PLEKHH1: variants seen among roughly 807,000 people sequenced by gnomAD.
The protein encoded by PLEKHH1 is pleckstrin homology, MyTH4 and FERM domain containing H1, also known as pleckstrin homology domain-containing family H member 1.
PLEKHH1 carries 104 observed loss-of-function variants against 160.0 expected under a neutral mutation model. The observed-to-expected ratio is 0.65, with a 90% CI of 0.55 to 0.76. The LOEUF is 0.76. Among genes scored for constraint, PLEKHH1 ranks in the 30% least tolerant of loss-of-function variants. The pLI, the probability that PLEKHH1 is intolerant of heterozygous loss-of-function variation, is 0.00. For synonymous variants in PLEKHH1, 619 were observed against 678.4 expected (o/e 0.91, Z 1.36); for missense variants, 1,427 against 1,724.1 (o/e 0.83, Z 3.05).
chr14:67,567,452 G>A (rs1201636305), intron 7 of PLEKHH1, among the ~76,000 whole-genome samples: 1 of 152,148 alleles, frequency 6.6e-6, no homozygotes, highest in African/African-American at 2.4e-5. Flanking sequence ...CAAAGTTAGA[G>A]GCTTGTCCTT....
chr14:67,542,525 A>G (rs1038086217), intron 2 of PLEKHH1, among the ~76,000 whole-genome samples: 1 of 152,022 alleles, frequency 6.6e-6, no homozygotes, highest in Non-Finnish European at 1.5e-5. Flanking sequence ...TACTTCTAAG[A>G]GTTATTTTGA....
Position 67,582,001 on chromosome 14 carries a change from C to T in PLEKHH1, c.3285-68C>T. 1.3e-6 allele frequency: 2 copies of T among 1,483,960 alleles called. No individual in the cohort carries two copies. The highest frequency in any genetic ancestry group is 1.8e-6 in the Non-Finnish European group (2 of 1,087,562). The allele number at this position is 1,483,960 out of a possible 1,614,324, so 91.9% of individuals were successfully genotyped here. On this transcript the variant is annotated intron_variant, in intron 23 of 28. Coordinates refer to ENST00000329153, the MANE Select transcript of PLEKHH1 (RefSeq NM_020715.3). This position sits in a 1 kb window ranked among gnomAD's most constrained non-coding sequence, Gnocchi z 5.0. ...TCTTTTTGGAAATAAAGGTAACAGACCCAGAGAAAGCCCCATCCCTGTTTG... is the reference window on the plus strand; with the variant it reads ...TCTTTTTGGAAATAAAGGTAACAGATCCAGAGAAAGCCCCATCCCTGTTTG...
rs1447280974 is a variant in PLEKHH1 at position 67,588,889 on chromosome 14, A to C, written c.*1654A>C. The C allele has an allele frequency of 6.6e-6, 1 of 152,656 alleles. No individual in the cohort carries two copies. The highest frequency in any genetic ancestry group is 1.5e-5 in the Non-Finnish European group (1 of 68,044). 9.5% of individuals were successfully genotyped at this position (152,656 alleles called of 1,614,324 possible). A position where few individuals can be genotyped will look rare whatever the true frequency, so the allele number is the denominator to read the frequency against. On this transcript the variant is annotated 3_prime_UTR_variant, in exon 29 of 29. Coordinates refer to ENST00000329153, the MANE Select transcript of PLEKHH1 (RefSeq NM_020715.3). Reference sequence around the variant, plus strand: ...GTAAACTGACAAGCATGATGAAAAAAGAAGCACATCCAAGTTTCTGCCTCT... The same window carrying C: ...GTAAACTGACAAGCATGATGAAAAACGAAGCACATCCAAGTTTCTGCCTCT...
intron 2 of PLEKHH1, among the ~76,000 whole-genome samples, chr14:67,554,957 G>C (rs949195576): frequency 6.6e-6 from 1 of 152,090 alleles, no homozygotes; most frequent in Non-Finnish European, 1.5e-5. Flanking sequence ...GTGTCACCCA[G>C]GCTGGAGTGC....
rs2036019854 is a variant in PLEKHH1 at position 67,583,842 on chromosome 14, C to T, written c.3528C>T (p.His1176=). ...HLLQQVLDRF[H]PRRYRHGAPA... Reference sequence around the variant, plus strand: ...TCCAGCAGGTCCTAGACAGGTTCCACCCCAGGCGCTATAGACATGGGGCCC... The same window carrying T: ...TCCAGCAGGTCCTAGACAGGTTCCATCCCAGGCGCTATAGACATGGGGCCC... The change falls in exon 25 of 29, where the codon CAC becomes CAT. Residue 1176 remains histidine, a synonymous_variant. Transcript: ENST00000329153. 1.2e-6 allele frequency: 2 copies of T among 1,613,360 alleles called. No individual in the cohort carries two copies. The highest frequency in any genetic ancestry group is 1.3e-5 in the African/African-American group (1 of 74,910).
rs138889928 is a variant in PLEKHH1 at position 67,538,906 on chromosome 14, A to G, written c.-34-2928A>G. ...TCAGGGCTAGGCAGACACCAGTGAC[A>G]TATTTCCAAAGTACTTGGAGATTTT... On this transcript the variant is annotated intron_variant, in intron 1 of 28. Coordinates refer to ENST00000329153, the MANE Select transcript of PLEKHH1 (RefSeq NM_020715.3). Among the ~76,000 whole-genome samples, 98 of 152,316 alleles carry G rather than the reference A, an allele frequency of 6.4e-4. 1 individual carries two copies. The East Asian group carries it at 0.016, about 25-fold the overall frequency.
chr14:67,535,875 G>T (rs2033695939), intron 1 of PLEKHH1, among the ~76,000 whole-genome samples: 1 of 152,180 alleles, frequency 6.6e-6, no homozygotes, highest in African/African-American at 2.4e-5. Context: ...GTTGGAAAAT[G>T]GTTAAATGAC....
Position 67,573,759 on chromosome 14 carries a change from C to A in PLEKHH1, c.1840-42C>A. The A allele has an allele frequency of 7.7e-7, 1 of 1,294,888 alleles. No individual in the cohort carries two copies. Among genetic ancestry groups the A allele is most frequent in the East Asian group, 2.3e-5 (1 of 43,480 alleles). The allele number at this position is 1,294,888 out of a possible 1,614,324, so 80.2% of individuals were successfully genotyped here. A position where few individuals can be genotyped will look rare whatever the true frequency, so the allele number is the denominator to read the frequency against. On this transcript the variant is annotated intron_variant, in intron 12 of 28. Coordinates refer to ENST00000329153, the MANE Select transcript of PLEKHH1 (RefSeq NM_020715.3). The surrounding 1 kb of genome is among the most constrained non-coding windows in gnomAD (Gnocchi z 4.8). ...GGGTAAATGAGGTGCTCCGGAAAGG[C>A]TCCACATTCAGTGGCTCTCCTCTCC...
chr14:67,558,097 G>A (rs1306176070), intron 4 of PLEKHH1, among the ~76,000 whole-genome samples: 3 of 152,192 alleles, frequency 2.0e-5, no homozygotes, highest in Non-Finnish European at 4.4e-5. Context: ...GCTCCTGAGA[G>A]GACTTCTGGA....
In PLEKHH1 at chr14:67,574,991, C is replaced by A. The variant is rs1437822207; in HGVS notation, c.2089-401C>A. Among the ~76,000 whole-genome samples the A allele has an allele frequency of 6.6e-6, 1 of 152,216 alleles. No homozygotes were observed. The highest frequency in any genetic ancestry group is 1.5e-5 in the Non-Finnish European group (1 of 68,034). On this transcript the variant is annotated intron_variant, in intron 14 of 28. Transcript: ENST00000329153. The surrounding 1 kb of genome is among the most constrained non-coding windows in gnomAD (Gnocchi z 4.2). ...CGTTCAATCTGTTTATGTCATTCTC[C>A]TTCGCCCGTGTGCAGCTTCTGTTCC...
chr14:67,555,827 G>A lies in PLEKHH1; in HGVS notation c.129G>A (p.Met43Ile), dbSNP rs766038628. ...CCCCTTTCTCTCTGGCCAAGCAGAT[G>A]CAGGAGCTGGAGCAGAGGCTGCTGG... ...SKIRELLADK[M>I]QELEQRLLEA... The change falls in exon 3 of 29, where the codon ATG becomes ATA. Residue 43 changes from methionine (M) to isoleucine (I), a missense_variant and splice_region_variant. By Grantham distance (10) the Met-to-Ile change is conservative (BLOSUM62 1). Transcript: ENST00000329153. The A allele has an allele frequency of 1.2e-6, 2 of 1,613,202 alleles. No homozygotes were observed. The highest frequency in any genetic ancestry group is 1.1e-5 in the South Asian group (1 of 90,952).
chr14:67,566,760 A>T (rs2035114160), intron 7 of PLEKHH1, among the ~76,000 whole-genome samples: 1 of 151,882 alleles, frequency 6.6e-6, no homozygotes. Flanking sequence ...AAAAAAAAAA[A>T]AAAAAGAGTG....
intron 5 of PLEKHH1, among the ~76,000 whole-genome samples, chr14:67,561,420 G>T (rs1566738844): frequency 6.6e-6 from 1 of 152,088 alleles, no homozygotes; most frequent in Admixed American, 6.6e-5. Flanking sequence ...GCATAGTGGC[G>T]TGCACCTGTA....
Position 67,576,986 on chromosome 14 carries a change from A to C in PLEKHH1, c.2462-316A>C, listed in dbSNP as rs1254918363. Among the ~76,000 whole-genome samples, 2 of 152,096 alleles carry C rather than the reference A, an allele frequency of 1.3e-5. No individual in the cohort carries two copies. The highest frequency in any genetic ancestry group is 4.8e-5 in the African/African-American group (2 of 41,402). ...AGGCTTGTTTGTTTCTGACCAATTCATATGCCCCTCCATCCAGACTTGACA... is the reference window on the plus strand; with the variant it reads ...AGGCTTGTTTGTTTCTGACCAATTCCTATGCCCCTCCATCCAGACTTGACA... On this transcript the variant is annotated intron_variant, in intron 17 of 28. Coordinates refer to ENST00000329153, the MANE Select transcript of PLEKHH1 (RefSeq NM_020715.3). This position sits in a 1 kb window ranked among gnomAD's most constrained non-coding sequence, Gnocchi z 4.0.
chr14:67,544,445 G>A (rs2034098106), intron 2 of PLEKHH1, among the ~76,000 whole-genome samples: 1 of 152,102 alleles, frequency 6.6e-6, no homozygotes, highest in South Asian at 2.1e-4. Flanking sequence ...CAGAAAAAAA[G>A]CCTTAATGAA....
In PLEKHH1 at chr14:67,562,543, T is replaced by G. The variant is rs1466518215; in HGVS notation, c.912T>G (p.Gly304=). ...GGACAAAGACCTCTGCCAGGGAAGG[T>G]GGTCCTGGCAGCAGTCTGACCCTAC... ...LPGTKTSARE[G]GPGSSLTLPK... The change falls in exon 7 of 29, where the codon GGT becomes GGG. Residue 304 remains glycine (G), a synonymous_variant. Transcript: ENST00000329153. 1.2e-6 allele frequency: 2 copies of G among 1,608,760 alleles called. No homozygotes were observed. Among genetic ancestry groups the G allele is most frequent in the African/African-American group, 1.3e-5 (1 of 74,798 alleles).
chr14:67,582,881 C>T lies in PLEKHH1; in HGVS notation c.3426+671C>T, dbSNP rs1438860912. Among the ~76,000 whole-genome samples the T allele has an allele frequency of 6.6e-6, 1 of 152,022 alleles. No homozygotes were observed. The highest frequency in any genetic ancestry group is 1.5e-5 in the Non-Finnish European group (1 of 68,018). On this transcript the variant is annotated intron_variant, in intron 24 of 28. Coordinates refer to ENST00000329153, the MANE Select transcript of PLEKHH1 (RefSeq NM_020715.3). This position sits in a 1 kb window ranked among gnomAD's most constrained non-coding sequence, Gnocchi z 5.0. The stretch of plus-strand genomic sequence containing the variant: ...CAAACAAACAAAAACCTCTGCCAGC[C>T]TCCACAGGGTTGTACTAAGTATGAT...
At position 67,584,048 on chromosome 14, in the gene PLEKHH1, C is replaced by T. The variant is rs768020833; in HGVS notation, c.3623C>T (p.Pro1208Leu). Residue 1208 changes from proline (P) to leucine (L), a missense_variant, in exon 26 of 29, where the codon CCT becomes CTT. Coordinates refer to ENST00000329153, the MANE Select transcript of PLEKHH1 (RefSeq NM_020715.3). ...TGGGCAACATTGCAAGGATGCTCCC[C>T]TCCTGAGTGCATCCGCATCTACCTG... ...TKWATLQGCS[P>L]PECIRIYLTV... is the part of the protein sequence containing the mutation. The T allele has an allele frequency of 7.4e-6, 12 of 1,613,826 alleles. No individual in the cohort carries two copies. Among genetic ancestry groups the T allele is most frequent in the African/African-American group, 1.3e-5 (1 of 75,056 alleles).
chr14:67,573,500 T>C lies in PLEKHH1; in HGVS notation c.1839+114T>C. The stretch of plus-strand genomic sequence containing the variant: ...GGCCCAAGGCCAGAGGGCAAAGGTC[T>C]GGCAGGTGGGGAGAGGCAACCTCAC... On this transcript the variant is annotated intron_variant, in intron 12 of 28. Transcript: ENST00000329153. The surrounding 1 kb of genome is among the most constrained non-coding windows in gnomAD (Gnocchi z 4.8). 1.3e-6 allele frequency: 1 copy of C among 759,760 alleles called. No individual in the cohort carries two copies. Among genetic ancestry groups the C allele is most frequent in the South Asian group, 1.7e-5 (1 of 57,864 alleles). The allele number at this position is 759,760 out of a possible 1,614,324, so 47.1% of individuals were successfully genotyped here. A position where few individuals can be genotyped will look rare whatever the true frequency, so the allele number is the denominator to read the frequency against.
Sources: gnomAD v4.1 joint callset for allele counts (sites outside exome capture counted in the v4.1 genomes callset) on GRCh38, gnomAD v4.1.1 for gene constraint, Gnocchi (gnomAD v3.1) non-coding constraint, MANE v1.5 for transcripts, NCBI Gene and HGNC (gene_info 2026-07-23, HGNC 2026-07-21) for gene names.